PLD5: variants seen among roughly 807,000 people sequenced by gnomAD.
The protein encoded by PLD5 is inactive phospholipase D5.
A neutral mutation model predicts 61.1 loss-of-function variants in PLD5; 36 were observed. The observed-to-expected ratio is 0.59, with a 90% confidence interval of 0.45 to 0.78. The LOEUF is 0.78. PLD5 is among the 30% of genes least tolerant of loss of function. PLD5 has a pLI of 0.00. For synonymous variants in PLD5, 243 were observed against 242.8 expected (o/e 1.00, Z -0.01); for missense variants, 515 against 644.4 (o/e 0.80, Z 2.17).
intron 9 of PLD5, among the ~76,000 whole-genome samples, chr1:242,093,729 T>C (rs1169310752): frequency 2.0e-5 from 3 of 151,910 alleles, no homozygotes; most frequent in African/African-American, 4.8e-5. Flanking sequence ...AGGAGCATCA[T>C]AGCCACATTG....
chr1:242,419,594 T>TTTTC (rs71176760), intron 1 of PLD5, among the ~76,000 whole-genome samples: 1 of 148,932 alleles, frequency 6.7e-6, no homozygotes, highest in South Asian at 2.1e-4. Flanking sequence ...TTTTTTTTTT[T>TTTTC]AGTAGAAACA....
At chr1:242,100,611 G>C (rs1660605323) in intron 9 of PLD5, 57 bp downstream of exon 9, 1 of 1,291,044 alleles carries the variant, frequency 7.7e-7, no homozygotes, top group Non-Finnish European at 1.1e-6. Flanking sequence ...GAGCACAGCT[G>C]GACTACCACT....
intron 1 of PLD5, among the ~76,000 whole-genome samples, chr1:242,402,706 G>A (rs188643555): frequency 2.0e-5 from 3 of 152,122 alleles, no homozygotes; most frequent in Non-Finnish European, 4.4e-5. Context: ...ATGTCCAAAT[G>A]CATTTTTCCT....
intron 5 of PLD5, among the ~76,000 whole-genome samples, chr1:242,208,114 T>C (rs1053382074): frequency 6.7e-6 from 1 of 149,942 alleles, no homozygotes; most frequent in African/African-American, 2.5e-5. Context: ...CTTGACCTCC[T>C]GGGCTCAAGA....
intron 4 of PLD5, among the ~76,000 whole-genome samples, chr1:242,245,694 T>C (rs1259077326): frequency 6.6e-6 from 1 of 152,182 alleles, no homozygotes; most frequent in African/African-American, 2.4e-5. Flanking sequence ...CCCTTTAGGA[T>C]ATAAATGAGG....
chr1:242,204,410 T>G (rs1432697163), intron 5 of PLD5, among the ~76,000 whole-genome samples: 2 of 152,196 alleles, frequency 1.3e-5, no homozygotes, highest in African/African-American at 4.8e-5. Flanking sequence ...ATACGGCCAC[T>G]AGTCCATGCC....
chr1:242,195,031 A>C (rs1053489091), intron 5 of PLD5, among the ~76,000 whole-genome samples: 6 of 152,242 alleles, frequency 3.9e-5, no homozygotes, highest in Non-Finnish European at 8.8e-5. Flanking sequence ...ATGGAAATTA[A>C]AAATAAAAAT....
chr1:242,354,194 C>A (rs1296614456), intron 1 of PLD5, among the ~76,000 whole-genome samples: 4 of 152,090 alleles, frequency 2.6e-5, no homozygotes, highest in Non-Finnish European at 5.9e-5. Flanking sequence ...ACACTCCCCA[C>A]CAGCACCATG....
rs117548486 is a variant in PLD5, at chr1:242,333,010, G to A, written c.326+15096C>T. On this transcript the variant is annotated intron_variant, in intron 2 of 9. Transcript: ENST00000536534. ...GTGAAACCCAAGAGAGAGAGACAAGGAAGAAGGCTGTGCCCAGCGGAGAAA... is the reference window on the plus strand; with the variant it reads ...GTGAAACCCAAGAGAGAGAGACAAGAAAGAAGGCTGTGCCCAGCGGAGAAA... Among the ~76,000 whole-genome samples, 48 of 152,310 alleles carry A rather than the reference G, an allele frequency of 3.2e-4. 1 individual carries two copies. The East Asian group carries it at 8.5e-3, about 27-fold the overall frequency.
chr1:242,330,408 CT>C (rs1385402073), intron 2 of PLD5, among the ~76,000 whole-genome samples: 1 of 152,174 alleles, frequency 6.6e-6, no homozygotes, highest in African/African-American at 2.4e-5. Context: ...TGCTGTGGCC[CT>C]TACTTGGAAG....
intron 5 of PLD5, among the ~76,000 whole-genome samples, chr1:242,149,319 A>G (rs1449596558): frequency 1.3e-5 from 2 of 151,854 alleles, no homozygotes; most frequent in African/African-American, 2.4e-5. Flanking sequence ...ATACTGAACT[A>G]GCCTTGCATT....
chr1:242,454,675 TGTAA>T, intron 1 of PLD5, among the ~76,000 whole-genome samples: 1 of 152,314 alleles, frequency 6.6e-6, no homozygotes, highest in East Asian at 1.9e-4. Context: ...GAAAAGTGGC[TGTAA>T]TAGAAAGGAA....
rs141153124 is a variant in PLD5 at position 242,155,644 on chromosome 1, A to G, written c.736-30979T>C. 4.1e-3 allele frequency among the ~76,000 whole-genome samples: 628 copies of G among 152,204 alleles called. 3 individuals are homozygous for G. Among genetic ancestry groups the G allele is most frequent in the African/African-American group, 0.014 (598 of 41,518 alleles). On this transcript the variant is annotated intron_variant, in intron 5 of 9. Transcript: ENST00000536534. ...CTCAGGAGCAGGTTATTCAGTTTCT[A>G]TGTAATTGTGTGGTTTTGAGTAAGT...
chr1:242,489,073 A>G (rs1280140236), intron 1 of PLD5, among the ~76,000 whole-genome samples: 3 of 152,174 alleles, frequency 2.0e-5, no homozygotes, highest in African/African-American at 7.2e-5. Flanking sequence ...ATCTATTTCA[A>G]AAATATGATA....
At chr1:242,398,494 C>T (rs576631956) in intron 1 of PLD5, among the ~76,000 whole-genome samples, 1 of 152,198 alleles carries the variant, frequency 6.6e-6, no homozygotes, top group East Asian at 1.9e-4. Context: ...TTCATAACCA[C>T]CTCCAGCATA....
chr1:242,250,846 A>G (rs1385226752), intron 4 of PLD5, among the ~76,000 whole-genome samples: 3 of 152,142 alleles, frequency 2.0e-5, no homozygotes, highest in African/African-American at 7.2e-5. Flanking sequence ...TTCCAGAGAA[A>G]TGATAAAGGC....
rs763501083 is a variant in PLD5, at chr1:242,348,258, AAGAC to A, written c.190-20_190-17del. 36 of 70,480 alleles carry A rather than the reference AAGAC, an allele frequency of 5.1e-4. No homozygotes were observed. Among genetic ancestry groups the A allele is most frequent in the Non-Finnish European group, 9.0e-4 (35 of 38,914 alleles). The allele number at this position is 70,480 out of a possible 1,614,324, so 4.4% of individuals were successfully genotyped here. A position where few individuals can be genotyped will look rare whatever the true frequency, so the allele number is the denominator to read the frequency against. On this transcript the variant is annotated splice_polypyrimidine_tract_variant and intron_variant, in intron 1 of 9. Coordinates refer to ENST00000536534, the MANE Select transcript of PLD5 (RefSeq NM_001372062.1). ...TCTGCTGGGACTGAAAGAGGAAACAAAGACAAAGAAAAGTAAGTGGTGCTGCTTT... is the reference window on the plus strand; with the variant it reads ...TCTGCTGGGACTGAAAGAGGAAACAAAAAGAAAAGTAAGTGGTGCTGCTTT...
intron 5 of PLD5, among the ~76,000 whole-genome samples, chr1:242,161,947 C>T (rs1437432078): frequency 6.6e-6 from 1 of 152,164 alleles, no homozygotes; most frequent in African/African-American, 2.4e-5. Flanking sequence ...CATCTCGGAA[C>T]AACAGACACA....
At chr1:242,359,769 A>G (rs1188825989) in intron 1 of PLD5, among the ~76,000 whole-genome samples, 2 of 152,178 alleles carry the variant, frequency 1.3e-5, no homozygotes, top group Non-Finnish European at 2.9e-5. Flanking sequence ...AATTAAGTTA[A>G]ATGACATACT....
Sources: allele counts gnomAD v4.1 joint callset (sites outside exome capture counted in the v4.1 genomes callset), GRCh38; gene constraint gnomAD v4.1.1; transcripts MANE v1.5; gene names NCBI Gene and HGNC (gene_info 2026-07-23, HGNC 2026-07-21).